Variants in SGCD observed in about 807,000 individuals in gnomAD.
SGCD encodes the protein delta-sarcoglycan.
In SGCD, 18 loss-of-function variants were observed where a neutral mutation model predicts 36.6. That is an observed-to-expected ratio of 0.49 (90% CI 0.34 to 0.73). The LOEUF (loss-of-function observed/expected upper bound fraction) is 0.73, where lower values mean the gene tolerates loss of function less well. Ranked by LOEUF, SGCD falls within the 30% of genes least tolerant of loss-of-function variation. The probability of loss-of-function intolerance (pLI) is 0.01; values close to 1 mark genes in which losing one functional copy is unlikely to be tolerated. For synonymous variants in SGCD, 133 were observed against 130.6 expected (o/e 1.02, Z -0.12); for missense variants, 387 against 346.7 (o/e 1.12, Z -0.92).
intron 3 of SGCD, among the ~76,000 whole-genome samples, chr5:156,229,702 A>C (rs1367957065): frequency 6.6e-6 from 1 of 151,932 alleles, no homozygotes. Context: ...TTGTATTTGG[A>C]TGTCTAGGGC....
At chr5:156,386,306 TC>T (rs1290179635) in intron 3 of SGCD, among the ~76,000 whole-genome samples, 3 of 152,144 alleles carry the variant, frequency 2.0e-5, no homozygotes, top group African/African-American at 4.8e-5. Context: ...TCTGAGAATG[TC>T]CCCTGGTCTC....
intron 1 of SGCD, among the ~76,000 whole-genome samples, chr5:156,100,161 A>T (rs1761487665): frequency 6.6e-6 from 1 of 152,182 alleles, no homozygotes; most frequent in African/African-American, 2.4e-5. Flanking sequence ...TTGTTTGTTC[A>T]GAGTTGTTCA....
chr5:155,905,952 T>C (rs1756501119), intron 1 of SGCD, among the ~76,000 whole-genome samples: 2 of 152,124 alleles, frequency 1.3e-5, no homozygotes, highest in South Asian at 2.1e-4. Context: ...AACTAATACA[T>C]TGTGCTTCTC....
At chr5:156,268,927 A>T (rs981782296) in intron 3 of SGCD, among the ~76,000 whole-genome samples, 7 of 151,804 alleles carry the variant, frequency 4.6e-5, no homozygotes, top group African/African-American at 1.5e-4. Context: ...AGTGATGTTG[A>T]GCTTTTTTTT....
At chr5:156,247,390 A>G (rs1765464198) in intron 3 of SGCD, among the ~76,000 whole-genome samples, 1 of 152,200 alleles carries the variant, frequency 6.6e-6, no homozygotes, top group African/African-American at 2.4e-5. Flanking sequence ...ATTACAGTCC[A>G]TGTTCATTCA....
At chr5:156,042,430 A>T (rs565773453) in intron 1 of SGCD, among the ~76,000 whole-genome samples, 4 of 152,262 alleles carry the variant, frequency 2.6e-5, no homozygotes, top group African/African-American at 9.6e-5. Context: ...CAACAAGCTC[A>T]TTTTGCCCAC....
chr5:156,561,845 T>C (rs1164581124), intron 4 of SGCD, among the ~76,000 whole-genome samples: 2 of 152,210 alleles, frequency 1.3e-5, no homozygotes, highest in Non-Finnish European at 2.9e-5. Flanking sequence ...CTCACATTCA[T>C]GATCTTGGAT....
At chr5:156,485,681 G>A (rs1353757967) in intron 3 of SGCD, among the ~76,000 whole-genome samples, 1 of 152,084 alleles carries the variant, frequency 6.6e-6, no homozygotes, top group Non-Finnish European at 1.5e-5. Flanking sequence ...ATCGCTGTGT[G>A]TGGAGATGCC....
chr5:156,748,818 A>T (rs981059221), intron 7 of SGCD, among the ~76,000 whole-genome samples: 1 of 152,022 alleles, frequency 6.6e-6, no homozygotes, highest in African/African-American at 2.4e-5. Flanking sequence ...TTTGAGATGG[A>T]GTCTCGCTCT....
chr5:155,992,765 G>A (rs1758459175), intron 1 of SGCD, among the ~76,000 whole-genome samples: 1 of 152,128 alleles, frequency 6.6e-6, no homozygotes, highest in African/African-American at 2.4e-5. Flanking sequence ...ATATTGTCTA[G>A]GACCACCAGA....
chr5:156,306,485 G>T (rs1767216618), intron 3 of SGCD, among the ~76,000 whole-genome samples: 1 of 152,090 alleles, frequency 6.6e-6, no homozygotes, highest in Non-Finnish European at 1.5e-5. Context: ...CCCAGTTTTG[G>T]GTATGTCTTT....
intron 1 of SGCD, among the ~76,000 whole-genome samples, chr5:155,888,748 C>T (rs1039339895): frequency 2.0e-5 from 3 of 152,166 alleles, no homozygotes; most frequent in Non-Finnish European, 2.9e-5. Flanking sequence ...GAATGAGCTC[C>T]TTAGAGGAGA....
chr5:156,596,043 G>A (rs901743436), intron 6 of SGCD, among the ~76,000 whole-genome samples: 5 of 152,056 alleles, frequency 3.3e-5, no homozygotes, highest in African/African-American at 1.2e-4. Flanking sequence ...GCATCACTGA[G>A]CCAGTTTCCT....
chr5:156,265,591 C>T (rs1205942760), intron 3 of SGCD, among the ~76,000 whole-genome samples: 1 of 150,950 alleles, frequency 6.6e-6, no homozygotes, highest in East Asian at 1.9e-4. Context: ...TATCTTTTCC[C>T]TCTCTTTCAT....
intron 3 of SGCD, among the ~76,000 whole-genome samples, chr5:156,136,123 T>G (rs1452305445): frequency 6.6e-6 from 1 of 152,220 alleles, no homozygotes; most frequent in Non-Finnish European, 1.5e-5. Context: ...TTTATTTATT[T>G]ATATTCTGGG....
the SGCD span, among the ~76,000 whole-genome samples, chr5:155,791,113 A>G: frequency 6.6e-6 from 1 of 152,138 alleles, no homozygotes; most frequent in African/African-American, 2.4e-5. Context: ...AATGGCTACA[A>G]TTTCAGAGAC....
chr5:156,204,228 T>C (rs571541990), intron 3 of SGCD, among the ~76,000 whole-genome samples: 78 of 152,054 alleles, frequency 5.1e-4, no homozygotes, highest in Non-Finnish European at 9.4e-4. Context: ...AGTGAGGAAA[T>C]TTTCTCCCTT....
chr5:156,655,361 G>A (rs753648847), intron 7 of SGCD, among the ~76,000 whole-genome samples: 4 of 152,152 alleles, frequency 2.6e-5, no homozygotes, highest in Non-Finnish European at 4.4e-5. Flanking sequence ...ACGAAAACCA[G>A]ATTTAAGGCC....
chr5:156,335,739 T>C (rs1768317978), intron 2 of SGCD, among the ~76,000 whole-genome samples: 1 of 152,156 alleles, frequency 6.6e-6, no homozygotes, highest in South Asian at 2.1e-4. Flanking sequence ...TGCTGAAACC[T>C]TGGGGTTCTC....
Sources: gnomAD v4.1 joint callset for allele counts (sites outside exome capture counted in the v4.1 genomes callset) on GRCh38, gnomAD v4.1.1 for gene constraint, MANE v1.5 for transcripts, NCBI Gene and HGNC (gene_info 2026-07-23, HGNC 2026-07-21) for gene names.